The following RARB variants were observed in gnomAD, a reference collection of about 807,000 sequenced individuals.
The protein encoded by RARB is HBV-activated protein.
In RARB, 17 loss-of-function variants were observed where a neutral mutation model predicts 51.9. The observed-to-expected ratio is 0.33, with a 90% CI of 0.22 to 0.49. The LOEUF (loss-of-function observed/expected upper bound fraction) is 0.49, where lower values mean the gene tolerates loss of function less well. Ranked by LOEUF, RARB falls within the 20% of genes least tolerant of loss-of-function variation. The pLI is 0.99. For synonymous variants in RARB, 215 were observed against 195.4 expected, an observed-to-expected ratio of 1.10 and a Z score of -0.84; for missense variants, 369 against 550.8, an observed-to-expected ratio of 0.67 and a Z score of 3.30.
intron 2 of RARB, among the ~76,000 whole-genome samples, chr3:24,933,748 A>G (rs1197952331): frequency 6.6e-6 from 1 of 152,136 alleles, no homozygotes; most frequent in Non-Finnish European, 1.5e-5. Flanking sequence ...ATAAAGCAAA[A>G]TATCAACAAA....
At chr3:25,581,246 G>A (rs927267543) in intron 5 of RARB, among the ~76,000 whole-genome samples, 1 of 152,208 alleles carries the variant, frequency 6.6e-6, no homozygotes, top group African/African-American at 2.4e-5. Context: ...TATACCCAAA[G>A]CTATGAGAGA....
At chr3:24,947,489 G>A (rs769661602) in intron 2 of RARB, among the ~76,000 whole-genome samples, 2 of 152,218 alleles carry the variant, frequency 1.3e-5, no homozygotes, top group Non-Finnish European at 2.9e-5. Flanking sequence ...ATGAAGTTGG[G>A]CTAAAGAAGG....
intron 2 of RARB, among the ~76,000 whole-genome samples, chr3:25,044,061 C>A (rs564233617): frequency 6.6e-6 from 1 of 151,948 alleles, no homozygotes; most frequent in African/African-American, 2.4e-5. Flanking sequence ...TCCACTGATA[C>A]TACCTTCAAA....
At chr3:25,509,376 T>G (rs1404914240) in intron 3 of RARB, among the ~76,000 whole-genome samples, 2 of 152,124 alleles carry the variant, frequency 1.3e-5, no homozygotes, top group Non-Finnish European at 2.9e-5. Context: ...GGTGACACAG[T>G]TTGGTTGCCG....
rs543853021 is a variant in RARB at position 24,949,962 on chromosome 3, A to G, written c.-380+91210A>G. Among the ~76,000 whole-genome samples, 239 of 152,346 alleles carry G rather than the reference A, an allele frequency of 1.6e-3. 1 individual carries two copies. Among genetic ancestry groups the G allele is most frequent in the African/African-American group, 5.4e-3 (225 of 41,576 alleles). On this transcript the variant is annotated intron_variant, in intron 2 of 11. Coordinates refer to the RARB transcript ENST00000383772. ...TATTTTGTACCTTTGGATCACACCCAATAACAGAGGGAAGAGCGAAAGGAC... is the reference window on the plus strand; with the variant it reads ...TATTTTGTACCTTTGGATCACACCCGATAACAGAGGGAAGAGCGAAAGGAC...
chr3:24,834,305 C>A (rs566386301), intron 1 of RARB, among the ~76,000 whole-genome samples: 1 of 152,196 alleles, frequency 6.6e-6, no homozygotes, highest in South Asian at 2.1e-4. Context: ...TAAAAAAGAG[C>A]AAATTTAAAT....
intron 5 of RARB, among the ~76,000 whole-genome samples, chr3:25,340,145 T>C (rs9861454): frequency 0.42 from 64,462 of 151,946 alleles, 13,904 homozygotes; most frequent in South Asian, 0.53. Flanking sequence ...GTTTCTCCCT[T>C]TCAAGAAGAA....
intron 4 of RARB, among the ~76,000 whole-genome samples, chr3:25,161,862 C>G (rs889457102): frequency 1.3e-5 from 2 of 152,186 alleles, no homozygotes; most frequent in African/African-American, 4.8e-5. Context: ...GGACCACGAC[C>G]TAACCCTGGC....
chr3:24,872,421 A>T (rs1004878797), intron 2 of RARB, among the ~76,000 whole-genome samples: 1 of 152,198 alleles, frequency 6.6e-6, no homozygotes, highest in African/African-American at 2.4e-5. Context: ...GCTATAAAGG[A>T]ATACCTGAGA....
chr3:25,008,385 T>C (rs1697320784), intron 2 of RARB, among the ~76,000 whole-genome samples: 1 of 152,170 alleles, frequency 6.6e-6, no homozygotes, highest in Non-Finnish European at 1.5e-5. Context: ...TTTTGCCTGC[T>C]CACCTTCAGG....
At chr3:24,865,708 A>G (rs904382908) in intron 2 of RARB, among the ~76,000 whole-genome samples, 4 of 152,198 alleles carry the variant, frequency 2.6e-5, no homozygotes, top group Non-Finnish European at 4.4e-5. Flanking sequence ...ACCAAAGTGA[A>G]TACAAACACA....
At chr3:25,328,587 CCAGTCTA>C (rs1341406790) in intron 5 of RARB, among the ~76,000 whole-genome samples, 1 of 152,134 alleles carries the variant, frequency 6.6e-6, no homozygotes, top group African/African-American at 2.4e-5. Context: ...AGGAAGAGCT[CCAGTCTA>C]CAGCTCCCAG....
chr3:25,400,748 C>T (rs1035664569), intron 5 of RARB, among the ~76,000 whole-genome samples: 5 of 152,132 alleles, frequency 3.3e-5, no homozygotes, highest in Non-Finnish European at 5.9e-5. Context: ...TAGTTTTCAG[C>T]CTCTAGGATT....
intron 5 of RARB, among the ~76,000 whole-genome samples, chr3:25,182,408 A>G (rs187031095): frequency 2.6e-5 from 4 of 152,306 alleles, no homozygotes; most frequent in Admixed American, 6.5e-5. Flanking sequence ...GGAAAGCAGG[A>G]AAGTTTCCTG....
chr3:25,127,323 A>G (rs1699876611), intron 3 of RARB, among the ~76,000 whole-genome samples: 1 of 152,016 alleles, frequency 6.6e-6, no homozygotes, highest in Non-Finnish European at 1.5e-5. Context: ...CCAGCCTTCT[A>G]TCAACTCCTT....
intron 2 of RARB, among the ~76,000 whole-genome samples, chr3:24,901,639 T>C (rs1422981111): frequency 6.6e-6 from 1 of 152,230 alleles, no homozygotes; most frequent in Non-Finnish European, 1.5e-5. Flanking sequence ...GCTCAGATTT[T>C]ATGAGAGTGA....
At chr3:25,377,416 C>T (rs1706499134) in intron 5 of RARB, among the ~76,000 whole-genome samples, 1 of 152,194 alleles carries the variant, frequency 6.6e-6, no homozygotes, top group Non-Finnish European at 1.5e-5. Context: ...AATGCAATGG[C>T]AGCATTCTTA....
At chr3:24,991,565 A>AAT (rs1231142801) in intron 2 of RARB, among the ~76,000 whole-genome samples, 2 of 152,126 alleles carry the variant, frequency 1.3e-5, no homozygotes, top group Admixed American at 1.3e-4. Flanking sequence ...TGTTCAATAG[A>AAT]ATATTGATCT....
chr3:25,492,092 C>T (rs556463185), intron 2 of RARB, among the ~76,000 whole-genome samples: 4 of 152,292 alleles, frequency 2.6e-5, no homozygotes, highest in South Asian at 2.1e-4. Context: ...TTTTTGAAGA[C>T]AGTTTAGCAG....
Sources: allele counts gnomAD v4.1 joint callset (sites outside exome capture counted in the v4.1 genomes callset), GRCh38; gene constraint gnomAD v4.1.1; transcripts MANE v1.5; gene names NCBI Gene and HGNC (gene_info 2026-07-23, HGNC 2026-07-21).